The following TAOK2 variants were observed in gnomAD, a reference collection of about 807,000 sequenced individuals.
TAOK2 encodes the protein TAO kinase 2.
A neutral mutation model predicts 122.5 loss-of-function variants in TAOK2; 42 were observed. That is an observed-to-expected ratio of 0.34 (90% confidence interval 0.27 to 0.44). The LOEUF is 0.44. Ranked by LOEUF, TAOK2 falls within the 20% of genes least tolerant of loss-of-function variation. The probability of loss-of-function intolerance (pLI) is 1.00; values close to 1 mark genes in which losing one functional copy is unlikely to be tolerated. For missense variants in TAOK2, 1,264 were observed against 1,644.9 expected (o/e 0.77, Z 4.01); for synonymous variants, 704 against 677.6 (o/e 1.04, Z -0.61).
chr16:29,981,977 T>TAACA, intron 10 of TAOK2, 37 bp downstream of exon 10: 2 of 1,552,936 alleles, frequency 1.3e-6, no homozygotes, highest in Non-Finnish European at 1.8e-6. Flanking sequence ...CCTGGAACTG[T>TAACA]AGCTTGTTAC....
chr16:29,991,784 T>C (rs897021583), downstream of TAOK2: 11 of 485,598 alleles, frequency 2.3e-5, no homozygotes, highest in Non-Finnish European at 3.0e-5. This position sits in a 1 kb window ranked among gnomAD's most constrained non-coding sequence, Gnocchi z 5.6. Flanking sequence ...GAGCCCCGCC[T>C]CCCTACCATG....
At chr16:29,978,060 C>G (rs2069509145) in intron 2 of TAOK2, 29 bp from the exon 3 acceptor site, 2 of 1,613,896 alleles carry the variant, frequency 1.2e-6, no homozygotes, top group African/African-American at 1.3e-5. Flanking sequence ...TCAATGGGGC[C>G]TTCAACACCT....
At position 29,979,646 on chromosome 16, in the gene TAOK2, C is replaced by T; in HGVS notation, c.655+138C>T. On this transcript the variant is annotated intron_variant, in intron 8 of 15. Coordinates refer to ENST00000308893, the MANE Select transcript of TAOK2 (RefSeq NM_016151.4). This position sits in a 1 kb window ranked among gnomAD's most constrained non-coding sequence, Gnocchi z 4.1. The stretch of plus-strand genomic sequence containing the variant: ...GTCCGTTGTGACTCTACCCTGGAGC[C>T]CAATACAGGCAGCTGGCAAATTCTG... The T allele has an allele frequency of 4.6e-6, 3 of 654,234 alleles. No individual in the cohort carries two copies. Among genetic ancestry groups the T allele is most frequent in the Middle Eastern group, 8.6e-4 (2 of 2,328 alleles). The allele number at this position is 654,234 out of a possible 1,614,324, so 40.5% of individuals were successfully genotyped here.
At chr16:29,990,691 C>T (rs1245366448), downstream of TAOK2, 2 of 1,327,268 alleles carry the variant, frequency 1.5e-6, no homozygotes, top group Non-Finnish European at 2.0e-6. Context: ...ACCGCTGCTT[C>T]TTGAAACCTT....
At chr16:29,989,607 G>C, downstream of TAOK2, 1 of 1,614,016 alleles carries the variant, frequency 6.2e-7, no homozygotes, top group Non-Finnish European at 8.5e-7. Context: ...AGGAGCTGCA[G>C]ATCAAGAAGC....
Position 29,987,090 on chromosome 16 carries a change from G to A in TAOK2, c.2818G>A (p.Ala940Thr). 1 of 1,613,208 alleles carries A rather than the reference G, an allele frequency of 6.2e-7. No homozygotes were observed. Among genetic ancestry groups the A allele is most frequent in the Non-Finnish European group, 8.5e-7 (1 of 1,179,434 alleles). ...TCCAACACACCTGAGGCCCTGCCCT[G>A]CCAGCCAGCTCCCTGGACTCCTGTC... ...PPPTHLRPCP[A>T]SQLPGLLSHG... is the part of the protein sequence containing the mutation. The change falls in exon 16 of 16, where the codon GCC becomes ACC. Residue 940 changes from alanine (A) to threonine (T), a missense_variant. By Grantham distance (58) the Ala-to-Thr change is moderately conservative. Transcript: ENST00000308893.
At chr16:29,990,691 C>A (rs1245366448), downstream of TAOK2, 1 of 1,327,384 alleles carries the variant, frequency 7.5e-7, no homozygotes, top group African/African-American at 1.5e-5. Context: ...ACCGCTGCTT[C>A]TTGAAACCTT....
chr16:29,986,630 A>G lies in TAOK2; in HGVS notation c.2358A>G (p.Gln786=), dbSNP rs1239587167. 1 of 1,611,776 alleles carries G rather than the reference A, an allele frequency of 6.2e-7. No homozygotes were observed. Among genetic ancestry groups the G allele is most frequent in the African/African-American group, 1.3e-5 (1 of 74,736 alleles). The change falls in exon 16 of 16, where the codon CAA becomes CAG. Residue 786 remains glutamine, a synonymous_variant. Transcript: ENST00000308893. The surrounding 1 kb of genome is among the most constrained non-coding windows in gnomAD (Gnocchi z 4.2). ...CSPGQEAVLD[Q]RMLGEEEEAV... ...CTGGCCAGGAGGCAGTCCTGGACCA[A>G]AGAATGCTTGGCGAGGAGGAGGAAG...
In TAOK2 at chr16:29,977,914, G is replaced by A. The variant is rs1235603859; in HGVS notation, c.132+10G>A. The A allele has an allele frequency of 6.2e-7, 1 of 1,614,144 alleles. No individual in the cohort carries two copies. Among genetic ancestry groups the A allele is most frequent in the East Asian group, 2.2e-5 (1 of 44,876 alleles). Reference sequence around the variant, plus strand: ...TGGAGCCGTATACTTTGTGAGTTGGGTCTTGGGAGGGTGTAATAGGGATGG... The same window carrying A: ...TGGAGCCGTATACTTTGTGAGTTGGATCTTGGGAGGGTGTAATAGGGATGG... On this transcript the variant is annotated intron_variant, in intron 2 of 15. Coordinates refer to ENST00000308893, the MANE Select transcript of TAOK2 (RefSeq NM_016151.4).
Position 29,979,553 on chromosome 16 carries a change from C to A in TAOK2, c.655+45C>A. ...TCCCTCATCATCTTTTCCATTCTTT[C>A]CTGTTAGTTCCCAGACTCCGGACTA... On this transcript the variant is annotated intron_variant, in intron 8 of 15. Transcript: ENST00000308893. This position sits in a 1 kb window ranked among gnomAD's most constrained non-coding sequence, Gnocchi z 4.1. The A allele has an allele frequency of 7.1e-7, 1 of 1,414,872 alleles. No homozygotes were observed. Among genetic ancestry groups the A allele is most frequent in the South Asian group, 1.5e-5 (1 of 66,816 alleles). The allele number at this position is 1,414,872 out of a possible 1,614,324, so 87.6% of individuals were successfully genotyped here.
chr16:29,977,185 T>G (rs1434318292), intron 1 of TAOK2, among the ~76,000 whole-genome samples: 1 of 152,124 alleles, frequency 6.6e-6, no homozygotes, highest in Non-Finnish European at 1.5e-5. Context: ...CCCTGACTTT[T>G]TTGAGAGTGA....
Position 29,977,863 on chromosome 16 carries a change from C to G in TAOK2, c.91C>G (p.Leu31Val). 1 of 1,614,156 alleles carries G rather than the reference C, an allele frequency of 6.2e-7. No individual in the cohort carries two copies. The highest frequency in any genetic ancestry group is 8.5e-7 in the Non-Finnish European group (1 of 1,180,016). ...TGACCCAGAAAAGCTCTTCTCTGAC[C>G]TCCGGGAAATTGGCCATGGCAGCTT... ...KDDPEKLFSD[L>V]REIGHGSFGA... Residue 31 changes from leucine to valine, a missense_variant, in exon 2 of 16, where the codon CTC becomes GTC. Physicochemically the swap from Leu to Val is conservative, Grantham distance 32. Coordinates refer to ENST00000308893, the MANE Select transcript of TAOK2 (RefSeq NM_016151.4).
rs376979156 is a variant in TAOK2, at chr16:29,985,423, C to A, written c.1633C>A (p.Arg545=). ...GGCAGAGGCAGAAAAGCTGGCCCGG[C>A]GGCACCAGGCCATAGGTGAGAAGGA... ...FGAEAEKLAR[R]HQAIGEKEAR... is the part of the protein sequence containing the mutation. The change falls in exon 14 of 16, where the codon CGG becomes AGG. Residue 545 remains arginine, a synonymous_variant. Transcript: ENST00000308893. The surrounding 1 kb of genome is among the most constrained non-coding windows in gnomAD (Gnocchi z 6.9). The A allele has an allele frequency of 1.9e-6, 3 of 1,607,602 alleles. No individual in the cohort carries two copies. The African/African-American group carries it at 4.0e-5, about 21-fold the overall frequency.
Position 29,983,555 on chromosome 16 carries a change from C to T in TAOK2, c.1313C>T (p.Pro438Leu). 1 of 1,614,060 alleles carries T rather than the reference C, an allele frequency of 6.2e-7. No individual in the cohort carries two copies. Among genetic ancestry groups the T allele is most frequent in the Non-Finnish European group, 8.5e-7 (1 of 1,180,026 alleles). ...DPYQPEITPS[P>L]LQPPAAPAPT... is the part of the protein sequence containing the mutation. The stretch of plus-strand genomic sequence containing the variant: ...TACCAGCCAGAGATAACCCCCAGCC[C>T]TCTCCAGCCGCCTGCAGCCCCAGCT... Residue 438 changes from proline to leucine, a missense_variant, in exon 13 of 16, where the codon CCT (proline) becomes CTT (leucine). Transcript: ENST00000308893.
intron 12 of TAOK2, 81 bp from the exon 13 acceptor site, chr16:29,983,414 CTCCTCTGA>C: frequency 6.4e-7 from 1 of 1,562,264 alleles, no homozygotes; most frequent in Non-Finnish European, 8.7e-7. Flanking sequence ...AAGTGCAGCA[CTCCTCTGA>C]GTCTGATTGG....
At position 29,979,396 on chromosome 16, in the gene TAOK2, C is replaced by G. The variant is rs2069551637; in HGVS notation, c.564-21C>G. 6 of 1,599,694 alleles carry G rather than the reference C, an allele frequency of 3.8e-6. No homozygotes were observed. In the East Asian group the frequency reaches 6.7e-5, roughly 18 times the overall value. ...GGGTCTCGGCGGGTGATTTGCCTCT[C>G]TCTCCTGACCATTCTCCTAGGATGG... On this transcript the variant is annotated intron_variant, in intron 7 of 15. Coordinates refer to ENST00000308893, the MANE Select transcript of TAOK2 (RefSeq NM_016151.4). This position sits in a 1 kb window ranked among gnomAD's most constrained non-coding sequence, Gnocchi z 4.1.
Position 29,986,814 on chromosome 16 carries a change from G to A in TAOK2, c.2542G>A (p.Glu848Lys), listed in dbSNP as rs1301507535. The A allele has an allele frequency of 2.5e-6, 4 of 1,613,984 alleles. No homozygotes were observed. Among genetic ancestry groups the A allele is most frequent in the Non-Finnish European group, 3.4e-6 (4 of 1,179,934 alleles). The change falls in exon 16 of 16, where the codon GAG becomes AAG. Residue 848 changes from glutamate to lysine, a missense_variant. Physicochemically the swap from Glu to Lys is moderately conservative, Grantham distance 56. Transcript: ENST00000308893. This position sits in a 1 kb window ranked among gnomAD's most constrained non-coding sequence, Gnocchi z 4.2. ...EVWGLPEEIE[E>K]LRVPSLVPQE... is the part of the protein sequence containing the mutation. ...TTGGGGTCTGCCTGAGGAGATAGAG[G>A]AGCTTAGGGTGCCCTCCCTTGTACC... is the stretch of plus-strand genomic sequence containing the variant.
rs2150906357 is a variant in TAOK2 at position 29,987,692 on chromosome 16, C to T, written c.3420C>T (p.Thr1140=). The change falls in exon 16 of 16, where the codon ACC becomes ACT. Residue 1140 remains threonine, a synonymous_variant. Coordinates refer to ENST00000308893, the MANE Select transcript of TAOK2 (RefSeq NM_016151.4). ...CCCGGCGGCGTAATCCCCGCACCAC[C>T]CAACACCCATTAGCTCTGTTGGCAA... is the stretch of plus-strand genomic sequence containing the variant. ...PGPRRRNPRT[T]QHPLALLARV... 6.2e-7 allele frequency: 1 copy of T among 1,614,082 alleles called. No homozygotes were observed. Among genetic ancestry groups the T allele is most frequent in the East Asian group, 2.2e-5 (1 of 44,876 alleles).
In TAOK2 at chr16:29,984,535, T is replaced by C. The variant is rs1418838951; in HGVS notation, c.1423-678T>C. Among the ~76,000 whole-genome samples, 4 of 152,184 alleles carry C rather than the reference T, an allele frequency of 2.6e-5. No individual in the cohort carries two copies. The East Asian group carries it at 7.7e-4, about 29-fold the overall frequency. The stretch of plus-strand genomic sequence containing the variant: ...TTGGTGCTGGTTGTGTTCCAACAAT[T>C]CTTCAGATCCCATGGTGTTGTGCGG... On this transcript the variant is annotated intron_variant, in intron 13 of 15. Transcript: ENST00000308893.
Sources: allele counts gnomAD v4.1 joint callset (sites outside exome capture counted in the v4.1 genomes callset), GRCh38; gene constraint gnomAD v4.1.1; non-coding constraint Gnocchi (gnomAD v3.1); transcripts MANE v1.5; gene names NCBI Gene and HGNC (gene_info 2026-07-23, HGNC 2026-07-21).